CPB1: variants seen among roughly 807,000 people sequenced by gnomAD.
CPB1 encodes the protein carboxypeptidase B.
Under a neutral mutation model 51.4 loss-of-function variants are expected in CPB1, and 53 were observed. That is an observed-to-expected ratio of 1.03 (90% confidence interval 0.83 to 1.30). The LOEUF (loss-of-function observed/expected upper bound fraction) is 1.30, where lower values mean the gene tolerates loss of function less well. Ranked by LOEUF, CPB1 falls within the 50% of genes most tolerant of loss-of-function variation. The pLI is 0.00. For synonymous variants in CPB1, 189 were observed against 186.9 expected (o/e 1.01, Z -0.09); for missense variants, 494 against 516.2 (o/e 0.96, Z 0.42).
In CPB1 at chr3:148,840,666, C is replaced by G; in HGVS notation, c.273-20C>G. Reference sequence around the variant, plus strand: ...AAATACACTTATGTTCATAGGAACACCCACTTTGGTTCGTTGCAGGGTACT... The same window carrying G: ...AAATACACTTATGTTCATAGGAACAGCCACTTTGGTTCGTTGCAGGGTACT... On this transcript the variant is annotated intron_variant, in intron 3 of 10. Coordinates refer to ENST00000282957, the MANE Select transcript of CPB1 (RefSeq NM_001871.3). 1 of 1,609,334 alleles carries G rather than the reference C, an allele frequency of 6.2e-7. No homozygotes were observed. The highest frequency in any genetic ancestry group is 8.5e-7 in the Non-Finnish European group (1 of 1,175,606).
At chr3:148,833,682 T>C (rs1712805563) in intron 2 of CPB1, among the ~76,000 whole-genome samples, 1 of 152,046 alleles carries the variant, frequency 6.6e-6, no homozygotes, top group Non-Finnish European at 1.5e-5. Context: ...AGACACAGTA[T>C]GTTTTAGTTA....
intron 6 of CPB1, 35 bp from the exon 7 acceptor site, chr3:148,844,443 T>A: frequency 6.6e-7 from 1 of 1,508,710 alleles, no homozygotes; most frequent in East Asian, 2.3e-5. Context: ...TAATTCCATT[T>A]TTCCATGAAA....
In CPB1 at chr3:148,860,093, A is replaced by G. The variant is rs994444473; in HGVS notation, c.*91A>G. The G allele has an allele frequency of 9.5e-6, 12 of 1,262,706 alleles. No homozygotes were observed. The highest frequency in any genetic ancestry group is 1.2e-5 in the Non-Finnish European group (11 of 897,990). The allele number at this position is 1,262,706 out of a possible 1,614,324, so 78.2% of individuals were successfully genotyped here. A position where few individuals can be genotyped will look rare whatever the true frequency, so the allele number is the denominator to read the frequency against. On this transcript the variant is annotated 3_prime_UTR_variant, in exon 11 of 11. Coordinates refer to ENST00000282957, the MANE Select transcript of CPB1 (RefSeq NM_001871.3). ...ATTTTGGTTTGCCTGGATGTTTTGCAGATCCCAATCTTTCTTTTAAGCTTC... is the reference window on the plus strand; with the variant it reads ...ATTTTGGTTTGCCTGGATGTTTTGCGGATCCCAATCTTTCTTTTAAGCTTC...
chr3:148,842,007 AAC>A, intron 6 of CPB1, 83 bp downstream of exon 6: 1 of 1,057,992 alleles, frequency 9.5e-7, no homozygotes, highest in Non-Finnish European at 1.4e-6. Context: ...AGAGAATAAT[AAC>A]ACAGAAAAAA....
intron 10 of CPB1, among the ~76,000 whole-genome samples, chr3:148,857,977 C>T (rs141435154): frequency 6.6e-6 from 1 of 151,998 alleles, no homozygotes; most frequent in African/African-American, 2.4e-5. Context: ...CTACTGAGCA[C>T]TTACTATGTG....
chr3:148,853,731 GC>G (rs1312491101), intron 9 of CPB1, among the ~76,000 whole-genome samples: 2 of 152,150 alleles, frequency 1.3e-5, no homozygotes, highest in African/African-American at 4.8e-5. Context: ...GTATTCCAAG[GC>G]CACAAGGAGA....
At chr3:148,841,046 C>G (rs1190275704) in intron 5 of CPB1, 71 bp downstream of exon 5, 4 of 1,255,588 alleles carry the variant, frequency 3.2e-6, no homozygotes, top group African/African-American at 1.5e-5. Flanking sequence ...ACATGAACAT[C>G]TGTTTCACAG....
intron 6 of CPB1, among the ~76,000 whole-genome samples, chr3:148,842,694 A>C (rs1713119530): frequency 6.6e-6 from 1 of 152,212 alleles, no homozygotes; most frequent in East Asian, 1.9e-4. Context: ...AGTGGGTAAA[A>C]GTTTAGGGAG....
Position 148,848,051 on chromosome 3 carries a change from G to A in CPB1, c.981+2425G>A, listed in dbSNP as rs3821496. Among the ~76,000 whole-genome samples, 892 of 152,156 alleles carry A rather than the reference G, an allele frequency of 5.9e-3. 13 individuals carry two copies. Among genetic ancestry groups the A allele is most frequent in the East Asian group, 0.04 (209 of 5,188 alleles). On this transcript the variant is annotated intron_variant, in intron 9 of 10. Coordinates refer to ENST00000282957, the MANE Select transcript of CPB1 (RefSeq NM_001871.3). ...TTGGTGTCTGAATTTAGTTTAGCAC[G>A]CCAAAGCAACTTTAATATTTTGAGT... is the stretch of plus-strand genomic sequence containing the variant.
intron 3 of CPB1, 23 bp downstream of exon 3, chr3:148,834,645 T>G: frequency 6.3e-7 from 1 of 1,590,896 alleles, no homozygotes; most frequent in Middle Eastern, 1.8e-4. Flanking sequence ...TTTATAAATA[T>G]TAAAATTCTC....
chr3:148,832,185 T>C (rs1712758197), intron 2 of CPB1, among the ~76,000 whole-genome samples: 1 of 152,190 alleles, frequency 6.6e-6, no homozygotes, highest in Non-Finnish European at 1.5e-5. Flanking sequence ...TGCACTGAAA[T>C]CTTAAAAGTA....
At chr3:148,839,257 A>T (rs1713002835) in intron 3 of CPB1, among the ~76,000 whole-genome samples, 1 of 152,176 alleles carries the variant, frequency 6.6e-6, no homozygotes, top group Non-Finnish European at 1.5e-5. Context: ...AGAACTAGAA[A>T]GGGCAAGGAA....
intron 3 of CPB1, among the ~76,000 whole-genome samples, chr3:148,837,551 C>T (rs1022756258): frequency 1.3e-5 from 2 of 150,210 alleles, no homozygotes; most frequent in African/African-American, 4.9e-5. Flanking sequence ...AAATACTATA[C>T]ATGCTTCTCT....
In CPB1 at chr3:148,852,102, G is replaced by A. The variant is rs188409735; in HGVS notation, c.982-5355G>A. On this transcript the variant is annotated intron_variant, in intron 9 of 10. Coordinates refer to ENST00000282957, the MANE Select transcript of CPB1 (RefSeq NM_001871.3). ...GTTCTGGGAATAAAGTGATGTTTTA[G>A]CAACAGTGACCTAGCAGAGGTGTTT... 1.6e-4 allele frequency among the ~76,000 whole-genome samples: 25 copies of A among 152,262 alleles called. No homozygotes were observed. The East Asian group carries it at 4.6e-3, about 28-fold the overall frequency.
intron 10 of CPB1, among the ~76,000 whole-genome samples, chr3:148,858,720 G>T (rs1475557322): frequency 6.6e-6 from 1 of 152,134 alleles, no homozygotes; most frequent in African/African-American, 2.4e-5. Flanking sequence ...AGAGTGGTAG[G>T]GGCTAGACCC....
Position 148,850,281 on chromosome 3 carries a change from G to GTTTT in CPB1, c.981+4660_981+4663dup, listed in dbSNP as rs35725267. ...ACTCAGTCACTGCCTCTTAATTGAA[G>GTTTT]TTTTTTTTGTTTGTTTGTTTGTTTG... On this transcript the variant is annotated intron_variant, in intron 9 of 10. Transcript: ENST00000282957. 3.5e-3 allele frequency among the ~76,000 whole-genome samples: 531 copies of GTTTT among 151,488 alleles called. 2 individuals carry two copies. Among genetic ancestry groups the GTTTT allele is most frequent in the Non-Finnish European group, 6.0e-3 (404 of 67,756 alleles).
At chr3:148,845,284 A>G (rs1344843450) in intron 8 of CPB1, 140 bp from the exon 9 acceptor site, 1 of 633,528 alleles carries the variant, frequency 1.6e-6, no homozygotes, top group Non-Finnish European at 2.7e-6. Context: ...TTACTATATA[A>G]TATATACATA....
rs370189769 is a variant in CPB1 at position 148,840,668 on chromosome 3, C to T, written c.273-18C>T. ...ATACACTTATGTTCATAGGAACACC[C>T]ACTTTGGTTCGTTGCAGGGTACTGA... On this transcript the variant is annotated intron_variant, in intron 3 of 10. Coordinates refer to ENST00000282957, the MANE Select transcript of CPB1 (RefSeq NM_001871.3). 1.2e-6 allele frequency: 2 copies of T among 1,610,468 alleles called. No homozygotes were observed.
chr3:148,833,518 C>T (rs1712799682), intron 2 of CPB1, among the ~76,000 whole-genome samples: 1 of 152,104 alleles, frequency 6.6e-6, no homozygotes, highest in South Asian at 2.1e-4. Flanking sequence ...TAAATATCAC[C>T]ATCAGACATA....
Sources: allele counts gnomAD v4.1 joint callset (sites outside exome capture counted in the v4.1 genomes callset), GRCh38; gene constraint gnomAD v4.1.1; transcripts MANE v1.5; gene names NCBI Gene and HGNC (gene_info 2026-07-23, HGNC 2026-07-21).